MACROD2: variants seen among roughly 807,000 people sequenced by gnomAD.
The protein encoded by MACROD2 is ADP-ribose glycohydrolase MACROD2.
In MACROD2, 36 loss-of-function variants were observed where a neutral mutation model predicts 70.4. The ratio of observed to expected loss-of-function variants is 0.51; its 90% confidence interval spans 0.39 to 0.68. The LOEUF is 0.68. MACROD2 is among the 30% of genes least tolerant of loss of function. MACROD2 has a pLI of 0.00. For synonymous variants in MACROD2, 172 were observed against 178.8 expected, an observed-to-expected ratio of 0.96 and a Z score of 0.30; for missense variants, 496 against 538.4, an observed-to-expected ratio of 0.92 and a Z score of 0.78.
At chr20:14,526,684 C>G (rs1413054955) in intron 4 of MACROD2, among the ~76,000 whole-genome samples, 1 of 152,194 alleles carries the variant, frequency 6.6e-6, no homozygotes, top group Non-Finnish European at 1.5e-5. Flanking sequence ...TCCCTTGTCC[C>G]CCTCACAGGG....
chr20:14,029,361 T>A (rs946354618), intron 2 of MACROD2, among the ~76,000 whole-genome samples: 3 of 152,214 alleles, frequency 2.0e-5, no homozygotes, highest in African/African-American at 7.2e-5. Flanking sequence ...AATTCAGGTT[T>A]TTGTGTCTTG....
intron 8 of MACROD2, among the ~76,000 whole-genome samples, chr20:15,676,118 T>C (rs553524703): frequency 1.2e-3 from 182 of 152,312 alleles, no homozygotes; most frequent in South Asian, 2.5e-3. Flanking sequence ...TGTGAAAAAT[T>C]CAAGATTCTA....
intron 6 of MACROD2, among the ~76,000 whole-genome samples, chr20:15,302,426 C>T (rs1023444171): frequency 5.8e-5 from 8 of 138,590 alleles, no homozygotes; most frequent in East Asian, 2.2e-4. Flanking sequence ...TCTATAGAAA[C>T]GGGATCATAT....
At chr20:14,643,300 A>G (rs557514889) in intron 4 of MACROD2, among the ~76,000 whole-genome samples, 130 of 152,308 alleles carry the variant, frequency 8.5e-4, no homozygotes, top group African/African-American at 2.9e-3. Flanking sequence ...TGTCAGTGCA[A>G]TGCTGAGAAC....
intron 3 of MACROD2, among the ~76,000 whole-genome samples, chr20:14,358,805 G>T (rs1438052039): frequency 1.3e-5 from 2 of 152,156 alleles, no homozygotes; most frequent in Non-Finnish European, 2.9e-5. Context: ...CTTGCCCAAG[G>T]TCACACAGAG....
At chr20:14,123,104 T>C (rs1344807229) in intron 3 of MACROD2, among the ~76,000 whole-genome samples, 1 of 152,170 alleles carries the variant, frequency 6.6e-6, no homozygotes, top group African/African-American at 2.4e-5. Context: ...TAATTTTTAG[T>C]ACTTGAAGCA....
intron 5 of MACROD2, among the ~76,000 whole-genome samples, chr20:15,146,292 A>C (rs1295647951): frequency 6.6e-6 from 1 of 152,154 alleles, no homozygotes; most frequent in Non-Finnish European, 1.5e-5. Flanking sequence ...GTAATTACTG[A>C]AATCTTTGCA....
chr20:16,037,551 TA>T (rs1407889566), intron 15 of MACROD2, among the ~76,000 whole-genome samples: 5 of 151,754 alleles, frequency 3.3e-5, no homozygotes, highest in Admixed American at 6.6e-5. Context: ...ATAATAATAT[TA>T]TATTTTAAAT....
chr20:15,950,890 C>T (rs890682658), intron 12 of MACROD2, among the ~76,000 whole-genome samples: 1 of 152,084 alleles, frequency 6.6e-6, no homozygotes, highest in African/African-American at 2.4e-5. Flanking sequence ...GGGGCGTTTC[C>T]CACGTTAATT....
At chr20:14,427,857 G>A (rs973400255) in intron 3 of MACROD2, among the ~76,000 whole-genome samples, 1 of 152,054 alleles carries the variant, frequency 6.6e-6, no homozygotes, top group Non-Finnish European at 1.5e-5. Context: ...ATACCAAGTG[G>A]CTGAATTAGC....
intron 3 of MACROD2, among the ~76,000 whole-genome samples, chr20:14,311,798 G>A (rs930199280): frequency 1.1e-4 from 16 of 152,214 alleles, no homozygotes; most frequent in South Asian, 2.1e-4. Flanking sequence ...GATTACAGGC[G>A]TGAGCCACCG....
intron 8 of MACROD2, among the ~76,000 whole-genome samples, chr20:15,861,008 G>T (rs2064417068): frequency 6.6e-6 from 1 of 152,172 alleles, no homozygotes; most frequent in Admixed American, 6.5e-5. Flanking sequence ...CCAGTGGAAA[G>T]ACCCTAGTTA....
intron 6 of MACROD2, among the ~76,000 whole-genome samples, chr20:15,398,914 T>A (rs904458279): frequency 6.6e-6 from 1 of 152,174 alleles, no homozygotes; most frequent in South Asian, 2.1e-4. Flanking sequence ...ATTCCTGGGC[T>A]CAAGTGATCC....
At chr20:15,017,017 C>T (rs2075126960) in intron 5 of MACROD2, among the ~76,000 whole-genome samples, 2 of 152,250 alleles carry the variant, frequency 1.3e-5, no homozygotes, top group African/African-American at 4.8e-5. Context: ...AATCTCATGT[C>T]CTCACATTTC....
intron 6 of MACROD2, among the ~76,000 whole-genome samples, chr20:15,360,813 C>T (rs2078342994): frequency 1.3e-5 from 2 of 151,844 alleles, no homozygotes; most frequent in African/African-American, 4.8e-5. Flanking sequence ...AGTGATGTTG[C>T]ACAGTTTTTT....
chr20:15,894,211 C>T (rs1308770341), intron 10 of MACROD2, among the ~76,000 whole-genome samples: 1 of 152,178 alleles, frequency 6.6e-6, no homozygotes, highest in African/African-American at 2.4e-5. Flanking sequence ...GCCGGGGCTT[C>T]CGGTGCTAAG....
intron 7 of MACROD2, among the ~76,000 whole-genome samples, chr20:15,469,476 G>A (rs946395376): frequency 6.6e-6 from 1 of 152,134 alleles, no homozygotes; most frequent in Non-Finnish European, 1.5e-5. Context: ...GGAGGGCCTG[G>A]GATCCACAAA....
intron 10 of MACROD2, among the ~76,000 whole-genome samples, chr20:15,909,803 G>A (rs1429255497): frequency 2.0e-5 from 3 of 152,120 alleles, no homozygotes; most frequent in Admixed American, 1.3e-4. Flanking sequence ...GATTATAGGC[G>A]TGAGCCACCG....
intron 5 of MACROD2, among the ~76,000 whole-genome samples, chr20:14,915,884 A>C (rs935673735): frequency 6.6e-6 from 1 of 152,146 alleles, no homozygotes; most frequent in Non-Finnish European, 1.5e-5. Context: ...TGTGCATCTG[A>C]TGGAGGTTTG....
Sources: allele counts gnomAD v4.1 joint callset (sites outside exome capture counted in the v4.1 genomes callset), GRCh38; gene constraint gnomAD v4.1.1; transcripts MANE v1.5; gene names NCBI Gene and HGNC (gene_info 2026-07-23, HGNC 2026-07-21).